HPSE2: variants seen among roughly 807,000 people sequenced by gnomAD.
The protein encoded by HPSE2 is heparanase 2 (inactive), also known as inactive heparanase-2.
HPSE2 carries 38 observed loss-of-function variants against 60.5 expected under a neutral mutation model. The observed-to-expected ratio is 0.63, with a 90% confidence interval of 0.48 to 0.82. HPSE2 has a LOEUF of 0.82. Ranked by LOEUF, HPSE2 falls within the 40% of genes least tolerant of loss-of-function variation. The pLI is 0.00. For synonymous variants in HPSE2, 295 were observed against 293.2 expected (o/e 1.01, Z -0.06); for missense variants, 713 against 740.4 (o/e 0.96, Z 0.43).
chr10:98,778,703 T>C (rs991770092), intron 3 of HPSE2, among the ~76,000 whole-genome samples: 2 of 152,220 alleles, frequency 1.3e-5, no homozygotes, highest in African/African-American at 4.8e-5. Context: ...GCTTCCATAT[T>C]GGCTACTTAG....
chr10:99,234,772 T>C (rs1460793649), intron 1 of HPSE2, among the ~76,000 whole-genome samples: 1 of 151,816 alleles, frequency 6.6e-6, no homozygotes, highest in African/African-American at 2.4e-5. Context: ...CTTATAACGC[T>C]GTGACCCCAG....
chr10:98,656,082 G>GTTTTTTT (rs34294462), intron 6 of HPSE2, among the ~76,000 whole-genome samples: 1 of 140,846 alleles, frequency 7.1e-6, no homozygotes, highest in Non-Finnish European at 1.6e-5. Flanking sequence ...TCCTATTTGA[G>GTTTTTTT]TTTTTTTTTT....
chr10:98,720,041 T>A (rs1447097632), intron 5 of HPSE2, among the ~76,000 whole-genome samples: 1 of 151,768 alleles, frequency 6.6e-6, no homozygotes, highest in African/African-American at 2.4e-5. Flanking sequence ...GGAATCTATA[T>A]GGAAAGATTA....
intron 3 of HPSE2, among the ~76,000 whole-genome samples, chr10:98,990,909 A>T (rs1015270994): frequency 5.3e-5 from 8 of 152,196 alleles, no homozygotes. Context: ...AACTTTTCCC[A>T]GTATATTCTA....
intron 3 of HPSE2, among the ~76,000 whole-genome samples, chr10:98,852,153 GTGTGTGTGTGTGTATATA>G (rs1223601043): frequency 1.5e-5 from 2 of 131,004 alleles, no homozygotes; most frequent in Admixed American, 7.2e-5. Flanking sequence ...GTGTGTGTGT[GTGTGTGTGTGTGTATATA>G]TGTTTGGTTT....
the HPSE2 span, among the ~76,000 whole-genome samples, chr10:99,244,642 C>T: frequency 1.6e-5 from 2 of 127,366 alleles, no homozygotes; most frequent in Non-Finnish European, 3.1e-5. Context: ...AACTCTTGGG[C>T]TAGAGCAATC....
At chr10:99,280,849 A>G in the HPSE2 span, among the ~76,000 whole-genome samples, 1 of 152,140 alleles carries the variant, frequency 6.6e-6, no homozygotes, top group Non-Finnish European at 1.5e-5. Context: ...AGGTTCAGCT[A>G]CTTTTTTTAT....
chr10:98,905,310 C>G (rs1436274456), intron 3 of HPSE2, among the ~76,000 whole-genome samples: 1 of 149,118 alleles, frequency 6.7e-6, no homozygotes, highest in Non-Finnish European at 1.5e-5. Flanking sequence ...TCCCTCCCCC[C>G]TCCCCCGACC....
At chr10:99,242,938 G>C in the HPSE2 span, among the ~76,000 whole-genome samples, 3 of 152,070 alleles carry the variant, frequency 2.0e-5, no homozygotes, top group African/African-American at 7.2e-5. Flanking sequence ...TGCACAGATG[G>C]GTTACAAGGA....
At chr10:99,101,529 C>A (rs1843986949) in intron 3 of HPSE2, among the ~76,000 whole-genome samples, 1 of 152,144 alleles carries the variant, frequency 6.6e-6, no homozygotes, top group Non-Finnish European at 1.5e-5. Flanking sequence ...GACTCCCACA[C>A]AATAATAATG....
intron 6 of HPSE2, among the ~76,000 whole-genome samples, chr10:98,690,708 T>C (rs1341916116): frequency 1.3e-5 from 2 of 152,032 alleles, no homozygotes; most frequent in African/African-American, 4.8e-5. Context: ...TATTTTATCA[T>C]TGCTCTCTAT....
intron 9 of HPSE2, among the ~76,000 whole-genome samples, chr10:98,603,095 G>GA (rs1436372419): frequency 6.6e-6 from 1 of 152,160 alleles, no homozygotes; most frequent in Non-Finnish European, 1.5e-5. Flanking sequence ...TGAACAGTCT[G>GA]AAAAATCAAC....
intron 5 of HPSE2, among the ~76,000 whole-genome samples, chr10:98,707,687 T>C (rs1219133080): frequency 6.6e-6 from 1 of 152,172 alleles, no homozygotes; most frequent in African/African-American, 2.4e-5. Flanking sequence ...GTATATAGTT[T>C]ACAGAAAAAT....
At chr10:99,185,464 A>G (rs1280600877) in intron 2 of HPSE2, among the ~76,000 whole-genome samples, 1 of 152,138 alleles carries the variant, frequency 6.6e-6, no homozygotes, top group Non-Finnish European at 1.5e-5. Flanking sequence ...AAAAAGGCAC[A>G]TACAGGTACT....
chr10:98,798,208 C>A (rs943241183), intron 3 of HPSE2, among the ~76,000 whole-genome samples: 1 of 151,926 alleles, frequency 6.6e-6, no homozygotes, highest in African/African-American at 2.4e-5. Context: ...AAACTTTTAC[C>A]CTAAAGTGAT....
rs1455486054 is a variant in HPSE2 at position 99,126,730 on chromosome 10, C to A, written c.610+17508G>T. On this transcript the variant is annotated intron_variant, in intron 3 of 11. Transcript: ENST00000370552. The surrounding 1 kb of genome is among the most constrained non-coding windows in gnomAD (Gnocchi z 4.0). ...ACTAAACATAGCTACAACTAAGGAC[C>A]CTGACACAGTCTAGTTTACTCCCCT... Among the ~76,000 whole-genome samples, 5 of 152,126 alleles carry A rather than the reference C, an allele frequency of 3.3e-5. No individual in the cohort carries two copies. Among genetic ancestry groups the A allele is most frequent in the South Asian group, 4.1e-4 (2 of 4,826 alleles).
chr10:98,738,706 C>A (rs1018257571), intron 4 of HPSE2, among the ~76,000 whole-genome samples: 1 of 152,136 alleles, frequency 6.6e-6, no homozygotes, highest in Admixed American at 6.5e-5. Context: ...ATGCAGCCAA[C>A]AAAGATATGA....
At chr10:98,649,878 A>T (rs1262724023) in intron 6 of HPSE2, among the ~76,000 whole-genome samples, 1 of 152,228 alleles carries the variant, frequency 6.6e-6, no homozygotes, top group Non-Finnish European at 1.5e-5. Context: ...TCAGGCTGCG[A>T]TTCTTGAGAG....
Position 99,121,817 on chromosome 10 carries a change from T to C in HPSE2, c.610+22421A>G, listed in dbSNP as rs183117849. On this transcript the variant is annotated intron_variant, in intron 3 of 11. Transcript: ENST00000370552. ...CTTCTAGGAATTGTGCAAAAATATA[T>C]CTACAATGATGTTCATCATGACATC... is the stretch of plus-strand genomic sequence containing the variant. Among the ~76,000 whole-genome samples, 446 of 152,258 alleles carry C rather than the reference T, an allele frequency of 2.9e-3. 11 individuals carry two copies. Among genetic ancestry groups the C allele is most frequent in the Admixed American group, 0.027 (410 of 15,288 alleles).
Sources: gnomAD v4.1 joint callset for allele counts (sites outside exome capture counted in the v4.1 genomes callset) on GRCh38, gnomAD v4.1.1 for gene constraint, Gnocchi (gnomAD v3.1) non-coding constraint, MANE v1.5 for transcripts, NCBI Gene and HGNC (gene_info 2026-07-23, HGNC 2026-07-21) for gene names.